Variants in AHRR observed in about 807,000 individuals in gnomAD.
AHRR encodes the protein aryl hydrocarbon receptor repressor, also known as ahR repressor.
Under a neutral mutation model 44.0 loss-of-function variants are expected in AHRR, and 28 were observed. That is an observed-to-expected ratio of 0.64 (90% CI 0.47 to 0.87). The LOEUF (loss-of-function observed/expected upper bound fraction) is 0.87. Ranked by LOEUF, AHRR falls within the 40% of genes least tolerant of loss-of-function variation. The probability of loss-of-function intolerance (pLI) is 0.00; values close to 1 mark genes in which losing one functional copy is unlikely to be tolerated. For synonymous variants in AHRR, 434 were observed against 407.0 expected (o/e 1.07, Z -0.80); for missense variants, 990 against 953.9 (o/e 1.04, Z -0.50).
intron 5 of AHRR, among the ~76,000 whole-genome samples, chr5:416,827 C>T (rs377270152): frequency 5.9e-5 from 9 of 152,370 alleles, no homozygotes; most frequent in African/African-American, 2.2e-4. Context: ...ACTTTGTCAA[C>T]TTAAACAGAG....
At chr5:423,558 A>T (rs1036254750) in intron 6 of AHRR, among the ~76,000 whole-genome samples, 20 of 131,034 alleles carry the variant, frequency 1.5e-4, no homozygotes, top group Admixed American at 1.4e-3. Flanking sequence ...AGCAAAGCCC[A>T]GGCACCTACA....
chr5:424,603 C>A lies in AHRR; in HGVS notation c.708+626C>A, dbSNP rs558504204. Among the ~76,000 whole-genome samples, 4 of 152,262 alleles carry A rather than the reference C, an allele frequency of 2.6e-5. No individual in the cohort carries two copies. In the East Asian group the frequency reaches 7.7e-4, roughly 29 times the overall value. On this transcript the variant is annotated intron_variant, in intron 7 of 10. Transcript: ENST00000684583. The stretch of plus-strand genomic sequence containing the variant: ...AGGTCGATGAGAATGTAAAACTCTG[C>A]AGTAGGTTTATACTCTAGTTGTACC...
At chr5:346,248 G>T (rs1196979159) in intron 2 of AHRR, among the ~76,000 whole-genome samples, 2 of 152,170 alleles carry the variant, frequency 1.3e-5, no homozygotes, top group African/African-American at 4.8e-5. Flanking sequence ...AATGTCTCCC[G>T]ACGGAATCAC....
chr5:414,911 T>C (rs1013633600), intron 5 of AHRR, among the ~76,000 whole-genome samples: 1 of 152,198 alleles, frequency 6.6e-6, no homozygotes, highest in African/African-American at 2.4e-5. Flanking sequence ...AACGAAGGAC[T>C]AAAGGGACTC....
intron 4 of AHRR, among the ~76,000 whole-genome samples, chr5:397,469 C>T (rs1734779892): frequency 1.1e-5 from 1 of 89,530 alleles, no homozygotes; most frequent in South Asian, 5.2e-4. Flanking sequence ...CCTGACCATC[C>T]ACATAGCCCC....
chr5:371,587 G>A (rs1024508032), intron 3 of AHRR, among the ~76,000 whole-genome samples: 3 of 152,178 alleles, frequency 2.0e-5, no homozygotes, highest in Admixed American at 6.5e-5. Context: ...TAGTAGGACT[G>A]AGCATCTGGG....
At chr5:418,242 A>G (rs1343419647) in intron 5 of AHRR, among the ~76,000 whole-genome samples, 4 of 152,212 alleles carry the variant, frequency 2.6e-5, no homozygotes, top group Non-Finnish European at 5.9e-5. Context: ...TTGTTTTTGT[A>G]CGGTTTGGAT....
intron 3 of AHRR, among the ~76,000 whole-genome samples, chr5:356,479 G>C (rs139969100): frequency 0.058 from 8,686 of 149,742 alleles, 334 homozygotes; most frequent in Non-Finnish European, 0.079. Context: ...GCGCCCGCGA[G>C]TGGAGGCCCT....
chr5:347,243 T>C (rs1023842434), intron 2 of AHRR, among the ~76,000 whole-genome samples: 2 of 152,264 alleles, frequency 1.3e-5, no homozygotes, highest in Non-Finnish European at 2.9e-5. Context: ...GTTTTGTGCC[T>C]CTTGATTTGT....
rs369824795 is a variant in AHRR, at chr5:434,019, C to T, written c.1279C>T (p.Arg427Cys). The change falls in exon 11 of 11, where the codon CGC (arginine) becomes TGC (cysteine). Residue 427 changes from arginine to cysteine, a missense_variant. By Grantham distance (180) the Arg-to-Cys change is radical. Transcript: ENST00000684583. Reference protein sequence around the residue: ...QPSKNDPPSLRPMPRGSCLPC... With the variant: ...QPSKNDPPSLCPMPRGSCLPC... Reference sequence around the variant, plus strand: ...CAGCAAGAATGACCCGCCCTCCCTGCGCCCCATGCCCCGCGGCTCCTGCCT... The same window carrying T: ...CAGCAAGAATGACCCGCCCTCCCTGTGCCCCATGCCCCGCGGCTCCTGCCT... 6.0e-5 allele frequency: 95 copies of T among 1,590,560 alleles called. No homozygotes were observed. In the Middle Eastern group the frequency reaches 1.0e-3, roughly 17 times the overall value.
At chr5:424,718 C>T (rs60727762) in intron 7 of AHRR, among the ~76,000 whole-genome samples, 138 of 152,308 alleles carry the variant, frequency 9.1e-4, no homozygotes, top group African/African-American at 3.1e-3. Flanking sequence ...CTGTGGCTGG[C>T]GTGAGTGGCT....
intron 4 of AHRR, among the ~76,000 whole-genome samples, chr5:396,875 G>C (rs1284357949): frequency 6.6e-6 from 1 of 151,244 alleles, no homozygotes; most frequent in Non-Finnish European, 1.5e-5. Context: ...CTGGGTCAGA[G>C]TGCCCGGCTC....
chr5:417,227 G>A (rs186330737), intron 5 of AHRR, among the ~76,000 whole-genome samples: 8 of 147,164 alleles, frequency 5.4e-5, no homozygotes, highest in African/African-American at 7.5e-5. Context: ...TGCAGGGCCC[G>A]AGTCTAGAGA....
chr5:400,452 G>C (rs928479609), intron 4 of AHRR, among the ~76,000 whole-genome samples: 2 of 152,148 alleles, frequency 1.3e-5, no homozygotes, highest in African/African-American at 4.8e-5. Context: ...TTCAGTAACA[G>C]CACATGGATG....
chr5:400,503 G>A (rs539822460), intron 4 of AHRR, among the ~76,000 whole-genome samples: 3 of 149,184 alleles, frequency 2.0e-5, no homozygotes, highest in African/African-American at 5.0e-5. Context: ...CTTAACCTTA[G>A]AGCCAAATCC....
chr5:376,460 C>T (rs1203309963), intron 3 of AHRR, 150 bp from the exon 4 acceptor site: 9 of 12,856 alleles, frequency 7.0e-4, no homozygotes, highest in South Asian at 7.1e-3. Context: ...TGGAATGCTG[C>T]GTGGCCTGCA....
chr5:428,077 G>A, intron 8 of AHRR, 71 bp downstream of exon 8: 1 of 1,461,600 alleles, frequency 6.8e-7, no homozygotes, highest in Non-Finnish European at 9.4e-7. Context: ...TCCACACTCA[G>A]TGTTTTCTGT....
At position 376,716 on chromosome 5, in the gene AHRR, G is replaced by A; in HGVS notation, c.351G>A (p.Glu117=). ...TGCTGGAGGGAAGGCTGCTGTTGGA[G>A]GTGAGTGCCACCCTTGGTACCTCGA... The part of the protein sequence containing the change: ...SAVLEGRLLL[E]SLNGFALVVS... The change falls in exon 4 of 11, where the codon GAG becomes GAA. Residue 117 remains glutamate, a splice_region_variant and synonymous_variant. Transcript: ENST00000684583. The A allele has an allele frequency of 6.2e-7, 1 of 1,604,786 alleles. No homozygotes were observed. Among genetic ancestry groups the A allele is most frequent in the Non-Finnish European group, 8.5e-7 (1 of 1,176,056 alleles).
chr5:373,760 G>A (rs138908892), intron 3 of AHRR, among the ~76,000 whole-genome samples: 5,585 of 151,684 alleles, frequency 0.037, 174 homozygotes, highest in Middle Eastern at 0.058. Flanking sequence ...GTGTGCACCC[G>A]GAGCGCCCGC....
Sources: allele counts gnomAD v4.1 joint callset (sites outside exome capture counted in the v4.1 genomes callset), GRCh38; gene constraint gnomAD v4.1.1; transcripts MANE v1.5; gene names NCBI Gene and HGNC (gene_info 2026-07-23, HGNC 2026-07-21).